The following SYT1 variants were observed in gnomAD, a reference collection of about 807,000 sequenced individuals.
SYT1 encodes the protein synaptotagmin-1.
Under a neutral mutation model 44.8 loss-of-function variants are expected in SYT1, and 8 were observed. The observed-to-expected ratio is 0.18, with a 90% CI of 0.10 to 0.32. The LOEUF is 0.32. SYT1 is among the 10% of genes least tolerant of loss of function. SYT1 has a pLI of 1.00. For missense variants in SYT1, 286 were observed against 509.3 expected (o/e 0.56, Z 4.22); for synonymous variants, 154 against 188.8 (o/e 0.82, Z 1.51).
intron 9 of SYT1, among the ~76,000 whole-genome samples, chr12:79,441,060 T>G (rs1870382959): frequency 6.6e-6 from 1 of 152,176 alleles, no homozygotes; most frequent in African/African-American, 2.4e-5. Context: ...GCTAAGAAGA[T>G]GCTCAAATGT....
intron 3 of SYT1, among the ~76,000 whole-genome samples, chr12:79,122,741 T>C (rs376173528): frequency 6.6e-6 from 1 of 152,174 alleles, no homozygotes; most frequent in Admixed American, 6.5e-5. Flanking sequence ...TTGAGCATTA[T>C]GATTTTTAAG....
intron 2 of SYT1, among the ~76,000 whole-genome samples, chr12:79,037,975 T>C (rs1008947964): frequency 2.0e-5 from 3 of 151,738 alleles, no homozygotes; most frequent in Non-Finnish European, 4.4e-5. Flanking sequence ...TTTATTTTTG[T>C]TTAATATTTT....
At chr12:79,122,013 T>C (rs1868272227) in intron 3 of SYT1, among the ~76,000 whole-genome samples, 1 of 152,262 alleles carries the variant, frequency 6.6e-6, no homozygotes, top group African/African-American at 2.4e-5. Flanking sequence ...GAAAATATTC[T>C]GCTCTTGTCA....
intron 2 of SYT1, among the ~76,000 whole-genome samples, chr12:78,981,691 G>A (rs902528330): frequency 1.2e-4 from 19 of 152,108 alleles, no homozygotes; most frequent in African/African-American, 4.3e-4. Flanking sequence ...TCAGCATCAA[G>A]TGAACCAAAT....
At chr12:79,359,576 G>A (rs1883240107) in intron 9 of SYT1, among the ~76,000 whole-genome samples, 1 of 152,126 alleles carries the variant, frequency 6.6e-6, no homozygotes, top group Non-Finnish European at 1.5e-5. Flanking sequence ...ATGATAGAGA[G>A]GGAACAGGGG....
chr12:79,161,427 A>G (rs1300970922), intron 3 of SYT1, among the ~76,000 whole-genome samples: 2 of 152,136 alleles, frequency 1.3e-5, no homozygotes, highest in African/African-American at 4.8e-5. Flanking sequence ...AGGCCATACC[A>G]TCTAGATTTG....
intron 7 of SYT1, among the ~76,000 whole-genome samples, chr12:79,298,482 G>A (rs1419603055): frequency 6.6e-6 from 1 of 152,010 alleles, no homozygotes; most frequent in East Asian, 1.9e-4. Context: ...TGAAGCATAA[G>A]ACAACCATTT....
At chr12:79,044,388 T>C (rs1473029778) in intron 2 of SYT1, among the ~76,000 whole-genome samples, 2 of 152,140 alleles carry the variant, frequency 1.3e-5, no homozygotes, top group East Asian at 1.9e-4. Flanking sequence ...CATCTTCTAT[T>C]GCTGATACCC....
At chr12:79,128,307 C>T (rs1739055461) in intron 3 of SYT1, among the ~76,000 whole-genome samples, 1 of 152,088 alleles carries the variant, frequency 6.6e-6, no homozygotes, top group Non-Finnish European at 1.5e-5. Context: ...GTGGGAGCAC[C>T]TGTTTGAGCC....
chr12:79,412,865 T>C (rs186906551), intron 9 of SYT1, among the ~76,000 whole-genome samples: 8 of 152,300 alleles, frequency 5.3e-5, no homozygotes, highest in Admixed American at 1.3e-4. Context: ...CATATAATTT[T>C]TTTAAATTCT....
intron 2 of SYT1, among the ~76,000 whole-genome samples, chr12:79,026,690 T>TC (rs1872559682): frequency 7.2e-6 from 1 of 139,636 alleles, no homozygotes; most frequent in African/African-American, 2.7e-5. Context: ...TATATATATA[T>TC]ATATATATAT....
At chr12:78,983,623 G>A (rs1357846941) in intron 2 of SYT1, among the ~76,000 whole-genome samples, 1 of 151,928 alleles carries the variant, frequency 6.6e-6, no homozygotes, top group Non-Finnish European at 1.5e-5. Flanking sequence ...ACTATTCCAG[G>A]ATATTAGAAC....
At chr12:78,913,729 A>G (rs915207231) in intron 1 of SYT1, among the ~76,000 whole-genome samples, 1 of 151,884 alleles carries the variant, frequency 6.6e-6, no homozygotes, top group African/African-American at 2.4e-5. Context: ...ATTTAACACA[A>G]TGGTGGGTAC....
chr12:79,095,599 G>T (rs1878073432), intron 3 of SYT1, among the ~76,000 whole-genome samples: 1 of 151,852 alleles, frequency 6.6e-6, no homozygotes, highest in African/African-American at 2.4e-5. Flanking sequence ...GAAGGAAAAA[G>T]AGACAAGGAG....
chr12:79,248,824 G>T (rs556285987), intron 4 of SYT1, among the ~76,000 whole-genome samples: 1 of 152,158 alleles, frequency 6.6e-6, no homozygotes. Flanking sequence ...TGCAAAGGAG[G>T]TGATTGATTA....
intron 4 of SYT1, among the ~76,000 whole-genome samples, chr12:79,262,893 C>T (rs896800175): frequency 4.0e-4 from 61 of 152,156 alleles, no homozygotes; most frequent in African/African-American, 4.6e-4. Flanking sequence ...GGCAAAAAAG[C>T]AGCTCACAAA....
chr12:79,286,841 A>G (rs1879337474), intron 5 of SYT1, among the ~76,000 whole-genome samples: 1 of 152,098 alleles, frequency 6.6e-6, no homozygotes, highest in African/African-American at 2.4e-5. Context: ...ATTAAAATGT[A>G]AATGTACAGA....
chr12:79,023,945 C>T (rs2137636181), intron 2 of SYT1, among the ~76,000 whole-genome samples: 1 of 151,798 alleles, frequency 6.6e-6, no homozygotes, highest in Non-Finnish European at 1.5e-5. Flanking sequence ...AACCACAGTA[C>T]AGTGGTCAAC....
chr12:79,294,969 G>A (rs117360656), intron 6 of SYT1, among the ~76,000 whole-genome samples: 57 of 151,994 alleles, frequency 3.8e-4, no homozygotes, highest in Admixed American at 6.5e-4. Flanking sequence ...TAAAAGTTGA[G>A]CCACCTAGCC....
Sources: gnomAD v4.1 joint callset for allele counts (sites outside exome capture counted in the v4.1 genomes callset) on GRCh38, gnomAD v4.1.1 for gene constraint, MANE v1.5 for transcripts, NCBI Gene and HGNC (gene_info 2026-07-23, HGNC 2026-07-21) for gene names.